Variants in PPFIA2 observed in about 807,000 individuals in gnomAD.
PPFIA2 encodes the protein PPFI scaffold protein A2.
In PPFIA2, 46 loss-of-function variants were observed where a neutral mutation model predicts 175.5. That is an observed-to-expected ratio of 0.26 (90% confidence interval 0.21 to 0.34). PPFIA2 has a LOEUF of 0.34. PPFIA2 is among the 10% of genes least tolerant of loss of function. PPFIA2 has a pLI of 1.00. For synonymous variants in PPFIA2, 568 were observed against 511.4 expected (o/e 1.11, Z -1.49); for missense variants, 1,179 against 1,506.1 (o/e 0.78, Z 3.60).
At chr12:81,340,390 C>T (rs1415992400) in intron 20 of PPFIA2, among the ~76,000 whole-genome samples, 1 of 151,992 alleles carries the variant, frequency 6.6e-6, no homozygotes, top group Admixed American at 6.6e-5. Flanking sequence ...TCTACAGATG[C>T]TGCAATTGAT....
intron 4 of PPFIA2, among the ~76,000 whole-genome samples, chr12:81,548,616 C>T (rs911446465): frequency 1.3e-5 from 2 of 152,064 alleles, no homozygotes; most frequent in African/African-American, 2.4e-5. Context: ...TATAGACATG[C>T]ACCATCCCAC....
intron 4 of PPFIA2, among the ~76,000 whole-genome samples, chr12:81,608,048 T>C (rs182974054): frequency 7.6e-4 from 116 of 152,278 alleles, no homozygotes; most frequent in Middle Eastern, 3.4e-3. Flanking sequence ...TCTATTGAGA[T>C]GATCACATTG....
intron 4 of PPFIA2, among the ~76,000 whole-genome samples, chr12:81,493,567 T>C (rs1401240045): frequency 1.3e-5 from 2 of 151,752 alleles, no homozygotes; most frequent in Non-Finnish European, 2.9e-5. Context: ...GTTAATATTG[T>C]CAGGTTCACT....
intron 22 of PPFIA2, chr12:81,312,217 G>T (rs1169929045): frequency 2.0e-6 from 3 of 1,496,638 alleles, no homozygotes; most frequent in Non-Finnish European, 2.7e-6. Flanking sequence ...GCACACAAAT[G>T]TTAATGGATA....
intron 21 of PPFIA2, among the ~76,000 whole-genome samples, chr12:81,334,347 G>A (rs1055184502): frequency 6.6e-6 from 1 of 152,086 alleles, no homozygotes; most frequent in African/African-American, 2.4e-5. Flanking sequence ...AAAACTCCTC[G>A]ATGCCGATAG....
At chr12:81,503,437 G>T (rs897934484) in intron 4 of PPFIA2, among the ~76,000 whole-genome samples, 2 of 151,856 alleles carry the variant, frequency 1.3e-5, no homozygotes, top group African/African-American at 4.8e-5. Flanking sequence ...AGACCAAGTG[G>T]TTTAGCATGA....
intron 8 of PPFIA2, among the ~76,000 whole-genome samples, chr12:81,395,612 G>A (rs1195368987): frequency 3.9e-5 from 6 of 151,974 alleles, no homozygotes; most frequent in Non-Finnish European, 8.8e-5. Context: ...CACAAGGAAT[G>A]TAATTGTCTC....
chr12:81,453,993 C>T (rs996470077), intron 5 of PPFIA2, among the ~76,000 whole-genome samples: 5 of 152,012 alleles, frequency 3.3e-5, no homozygotes, highest in African/African-American at 9.7e-5. Context: ...GAAGACGGGC[C>T]GACTGCTTGA....
chr12:81,727,994 A>G (rs2080316295), intron 3 of PPFIA2, among the ~76,000 whole-genome samples: 1 of 151,462 alleles, frequency 6.6e-6, no homozygotes, highest in Non-Finnish European at 1.5e-5. Context: ...TGTTAACTGC[A>G]AAGGAGACTA....
intron 4 of PPFIA2, among the ~76,000 whole-genome samples, chr12:81,604,229 T>C (rs949864854): frequency 6.6e-6 from 1 of 151,750 alleles, no homozygotes; most frequent in South Asian, 2.1e-4. Context: ...AGAGAATCAA[T>C]GTTTGAAACA....
At chr12:81,507,458 T>C (rs1245535932) in intron 4 of PPFIA2, among the ~76,000 whole-genome samples, 1 of 152,204 alleles carries the variant, frequency 6.6e-6, no homozygotes. Flanking sequence ...TAATTGAGTT[T>C]TATATGTACC....
At chr12:81,520,722 G>T (rs1397134445) in intron 4 of PPFIA2, among the ~76,000 whole-genome samples, 1 of 152,212 alleles carries the variant, frequency 6.6e-6, no homozygotes, top group East Asian at 1.9e-4. Context: ...AAGAGGGTCA[G>T]GAGGTGGTGA....
At chr12:81,455,147 C>T (rs892391193) in intron 5 of PPFIA2, among the ~76,000 whole-genome samples, 1 of 152,170 alleles carries the variant, frequency 6.6e-6, no homozygotes, top group Non-Finnish European at 1.5e-5. Flanking sequence ...AAAAGCACAA[C>T]ATCTAGAAAG....
chr12:81,691,480 C>T (rs182622229), intron 3 of PPFIA2, among the ~76,000 whole-genome samples: 94 of 152,148 alleles, frequency 6.2e-4, no homozygotes, highest in Middle Eastern at 3.4e-3. Flanking sequence ...ACCTGAAATT[C>T]CTTTTATTAT....
intron 8 of PPFIA2, among the ~76,000 whole-genome samples, chr12:81,401,689 A>C (rs1019978002): frequency 6.6e-6 from 1 of 152,172 alleles, no homozygotes; most frequent in Admixed American, 6.6e-5. Flanking sequence ...AGCTGAAAAA[A>C]TAATTAGAAG....
chr12:81,439,389 T>A (rs997831753), intron 7 of PPFIA2, among the ~76,000 whole-genome samples: 1 of 151,818 alleles, frequency 6.6e-6, no homozygotes, highest in Admixed American at 6.6e-5. Flanking sequence ...TCTCTATATA[T>A]ACCTAATTAT....
chr12:81,303,042 A>G (rs887000165), intron 22 of PPFIA2, among the ~76,000 whole-genome samples: 1 of 152,172 alleles, frequency 6.6e-6, no homozygotes, highest in Non-Finnish European at 1.5e-5. Context: ...TAAATGACAA[A>G]CTGATTTGGC....
intron 21 of PPFIA2, among the ~76,000 whole-genome samples, chr12:81,331,153 A>G (rs117983610): frequency 0.012 from 1,825 of 152,376 alleles, 19 homozygotes; most frequent in Admixed American, 0.018. Context: ...GATGGGCTGC[A>G]TTTATGACAG....
At chr12:81,491,320 C>G (rs912801801) in intron 4 of PPFIA2, among the ~76,000 whole-genome samples, 6 of 151,800 alleles carry the variant, frequency 4.0e-5, no homozygotes, top group Admixed American at 1.3e-4. Context: ...TTACTTATCA[C>G]AAATCCTTGT....
Sources: gnomAD v4.1 joint callset for allele counts (sites outside exome capture counted in the v4.1 genomes callset) on GRCh38, gnomAD v4.1.1 for gene constraint, MANE v1.5 for transcripts, NCBI Gene and HGNC (gene_info 2026-07-23, HGNC 2026-07-21) for gene names.